CACNA1B: variants seen among roughly 807,000 people sequenced by gnomAD.
The protein encoded by CACNA1B is calcium voltage-gated channel subunit alpha1 B.
A neutral mutation model predicts 247.2 loss-of-function variants in CACNA1B; 70 were observed. The ratio of observed to expected loss-of-function variants is 0.28; its 90% confidence interval spans 0.23 to 0.35. CACNA1B has a LOEUF of 0.35. CACNA1B is among the 10% of genes least tolerant of loss of function. CACNA1B has a pLI of 1.00. For missense variants in CACNA1B, 2,367 were observed against 3,197.4 expected (o/e 0.74, Z 6.26); for synonymous variants, 1,231 against 1,294.4 (o/e 0.95, Z 1.05).
intron 18 of CACNA1B, among the ~76,000 whole-genome samples, chr9:138,022,042 C>T (rs922153405): frequency 2.0e-5 from 3 of 152,224 alleles, no homozygotes; most frequent in Admixed American, 6.5e-5. Context: ...CCTGTGCACT[C>T]TGGGCTATGG....
intron 20 of CACNA1B, among the ~76,000 whole-genome samples, chr9:138,042,089 A>G (rs1301979130): frequency 2.0e-5 from 3 of 152,132 alleles, no homozygotes; most frequent in Admixed American, 6.5e-5. Context: ...TTTAATATCC[A>G]TAGTATGGTG....
At chr9:138,099,077 A>G (rs938948047) in intron 37 of CACNA1B, among the ~76,000 whole-genome samples, 3 of 152,252 alleles carry the variant, frequency 2.0e-5, no homozygotes, top group Non-Finnish European at 4.4e-5. Flanking sequence ...GAAACTTTGA[A>G]ACAACAACAA....
intron 15 of CACNA1B, among the ~76,000 whole-genome samples, chr9:137,989,654 T>G (rs1301269749): frequency 6.6e-6 from 1 of 152,100 alleles, no homozygotes; most frequent in Admixed American, 6.5e-5. Flanking sequence ...ACGGAAACAC[T>G]GGGGTACAAT....
intron 3 of CACNA1B, among the ~76,000 whole-genome samples, chr9:137,910,619 C>T (rs955135815): frequency 1.3e-5 from 2 of 152,182 alleles, no homozygotes; most frequent in Non-Finnish European, 2.9e-5. Flanking sequence ...GGTGATGGGT[C>T]AGTGACAGAT....
At chr9:138,114,790 A>T (rs1462116100) in intron 41 of CACNA1B, among the ~76,000 whole-genome samples, 2 of 152,162 alleles carry the variant, frequency 1.3e-5, no homozygotes, top group African/African-American at 4.8e-5. Context: ...GAAGAGAAGA[A>T]GATGTGAAGA....
chr9:137,895,571 ATT>A (rs1957163593), intron 3 of CACNA1B, among the ~76,000 whole-genome samples: 1 of 152,208 alleles, frequency 6.6e-6, no homozygotes, highest in African/African-American at 2.4e-5. Flanking sequence ...GTTTTGTTAC[ATT>A]TACATCTAAG....
chr9:137,930,004 C>T (rs1957591275), intron 6 of CACNA1B, among the ~76,000 whole-genome samples: 1 of 152,028 alleles, frequency 6.6e-6, no homozygotes, highest in African/African-American at 2.4e-5. Flanking sequence ...GCTATGTTAC[C>T]CAGACTGGTC....
chr9:138,081,583 G>A (rs1250961802), intron 36 of CACNA1B, among the ~76,000 whole-genome samples: 4 of 151,286 alleles, frequency 2.6e-5, no homozygotes, highest in African/African-American at 7.3e-5. Context: ...GGAAGAATAG[G>A]GAATGAGGTT....
rs912504927 is a variant in CACNA1B at position 138,023,571 on chromosome 9, C to G, written c.2828C>G (p.Pro943Arg). Residue 943 changes from proline to arginine, a missense_variant, in exon 19 of 47, where the codon CCG becomes CGG. Physicochemically the swap from Pro to Arg is moderately radical, Grantham distance 103. This residue lies in a region of CACNA1B where 631 missense variants were observed against 631.1 expected (regional missense o/e 1.00). Transcript: ENST00000371372. Reference sequence around the variant, plus strand: ...CACCGCGCGCACCGGCACCAGGATCCGAGCAAGGAGTGCGCCGGCGCCAAG... The same window carrying G: ...CACCGCGCGCACCGGCACCAGGATCGGAGCAAGGAGTGCGCCGGCGCCAAG... ...RRHRAHRHQDPSKECAGAKGE... is the reference protein window; with the variant it reads ...RRHRAHRHQDRSKECAGAKGE... The G allele has an allele frequency of 1.8e-6, 2 of 1,091,838 alleles. No homozygotes were observed. The highest frequency in any genetic ancestry group is 2.2e-6 in the Non-Finnish European group (2 of 892,964). 67.6% of individuals were successfully genotyped at this position (1,091,838 alleles called of 1,614,324 possible). A position where few individuals can be genotyped will look rare whatever the true frequency, so the allele number is the denominator to read the frequency against.
Position 138,058,261 on chromosome 9 carries a change from G to T in CACNA1B, c.4308+11G>T. The T allele has an allele frequency of 1.2e-6, 2 of 1,602,792 alleles. No homozygotes were observed. The highest frequency in any genetic ancestry group is 8.5e-7 in the Non-Finnish European group (1 of 1,170,118). On this transcript the variant is annotated intron_variant, in intron 28 of 46. Coordinates refer to ENST00000371372, the MANE Select transcript of CACNA1B (RefSeq NM_000718.4). This position sits in a 1 kb window ranked among gnomAD's most constrained non-coding sequence, Gnocchi z 4.7. ...CTGGAGAAGAACGAGGTAGGTGGACGCTCTGTGGAGTCTTGCAGTGGACAG... is the reference window on the plus strand; with the variant it reads ...CTGGAGAAGAACGAGGTAGGTGGACTCTCTGTGGAGTCTTGCAGTGGACAG...
At chr9:137,923,217 GTGGTGCCAGGTGGTATTCCA>G (rs1564191159) in intron 6 of CACNA1B, among the ~76,000 whole-genome samples, 82 of 147,376 alleles carry the variant, frequency 5.6e-4, no homozygotes, top group East Asian at 1.2e-3. Context: ...GTGGTATTCC[GTGGTGCCAGGTGGTATTCCA>G]TGGTGCCAGG....
chr9:137,879,021 C>A, intron 1 of CACNA1B, 33 bp from the exon 2 acceptor site: 1 of 1,412,020 alleles, frequency 7.1e-7, no homozygotes, highest in Non-Finnish European at 9.9e-7. Context: ...TCCCTCCGTG[C>A]GGCGTCTGCC....
intron 3 of CACNA1B, among the ~76,000 whole-genome samples, chr9:137,894,558 G>A (rs553217569): frequency 1.4e-4 from 22 of 151,956 alleles, no homozygotes; most frequent in African/African-American, 4.8e-4. Flanking sequence ...GCAGGCGCCC[G>A]CCACCACGCC....
intron 15 of CACNA1B, among the ~76,000 whole-genome samples, chr9:137,988,469 A>G (rs907182695): frequency 6.6e-6 from 1 of 152,148 alleles, no homozygotes; most frequent in East Asian, 1.9e-4. Flanking sequence ...CCTGAGTGTG[A>G]TGAGGGAGAG....
At position 137,974,584 on chromosome 9, in the gene CACNA1B, G is replaced by A. The variant is rs375539046; in HGVS notation, c.1544-1323G>A. Among the ~76,000 whole-genome samples the A allele has an allele frequency of 6.6e-6, 1 of 152,176 alleles. No homozygotes were observed. Among genetic ancestry groups the A allele is most frequent in the African/African-American group, 2.4e-5 (1 of 41,448 alleles). ...GGCTGCTGCAGACTTGCCCCCGACC[G>A]AGGCTGTCTGGACCTGTGCAGCACA... On this transcript the variant is annotated intron_variant, in intron 11 of 46. Transcript: ENST00000371372. This position sits in a 1 kb window ranked among gnomAD's most constrained non-coding sequence, Gnocchi z 4.5.
At chr9:137,935,418 A>G (rs1036240090) in intron 6 of CACNA1B, among the ~76,000 whole-genome samples, 1 of 152,146 alleles carries the variant, frequency 6.6e-6, no homozygotes, top group Non-Finnish European at 1.5e-5. Context: ...CCATGTCCCT[A>G]CAAAGGACAT....
chr9:137,921,711 A>G (rs111597947), intron 6 of CACNA1B, among the ~76,000 whole-genome samples: 3 of 135,674 alleles, frequency 2.2e-5, no homozygotes, highest in South Asian at 2.5e-4. Context: ...CAGCACCACG[A>G]CCGCACAGCA....
intron 3 of CACNA1B, among the ~76,000 whole-genome samples, chr9:137,898,206 A>C: frequency 6.6e-6 from 1 of 152,210 alleles, no homozygotes; most frequent in East Asian, 1.9e-4. Flanking sequence ...GTTTTTCCAA[A>C]TAGAAAAGGT....
chr9:138,066,801 AAATT>A (rs1276741753), intron 31 of CACNA1B, among the ~76,000 whole-genome samples: 1 of 152,224 alleles, frequency 6.6e-6, no homozygotes, highest in African/African-American at 2.4e-5. Flanking sequence ...AACGGTGTAA[AAATT>A]AATGAGTTTA....
Sources: allele counts gnomAD v4.1 joint callset (sites outside exome capture counted in the v4.1 genomes callset), GRCh38; gene constraint gnomAD v4.1.1; regional missense constraint gnomAD v4.1.1; non-coding constraint Gnocchi (gnomAD v3.1); transcripts MANE v1.5; gene names NCBI Gene and HGNC (gene_info 2026-07-23, HGNC 2026-07-21).